ADCK1: variants seen among roughly 807,000 people sequenced by gnomAD.
ADCK1 encodes the protein aarF domain containing kinase 1, also known as aarF domain-containing protein kinase 1.
ADCK1 carries 41 observed loss-of-function variants against 52.3 expected under a neutral mutation model. The observed-to-expected ratio is 0.78, with a 90% CI of 0.61 to 1.02. The LOEUF (loss-of-function observed/expected upper bound fraction) is 1.02. Among genes scored for constraint, ADCK1 ranks in the 50% least tolerant of loss-of-function variants. The pLI, the probability that ADCK1 is intolerant of heterozygous loss-of-function variation, is 0.00. For missense variants in ADCK1, 658 were observed against 679.5 expected, an observed-to-expected ratio of 0.97 and a Z score of 0.35; for synonymous variants, 250 against 274.6, an observed-to-expected ratio of 0.91 and a Z score of 0.89.
Position 77,925,830 on chromosome 14 carries a change from A to G in ADCK1, c.1075A>G (p.Lys359Glu), listed in dbSNP as rs762109020. Residue 359 changes from lysine (K) to glutamate (E), a missense_variant, in exon 9 of 11, where the codon AAG (lysine) becomes GAG (glutamate). By Grantham distance (56) the Lys-to-Glu change is moderately conservative (BLOSUM62 1). Transcript: ENST00000238561. The part of the protein sequence containing the change: ...LWQSLIWTDM[K>E]RVKEYSQRLG... ...GCAGTCTCTGATCTGGACTGACATG[A>G]AGAGAGTGAAGGAGTACAGCCAGCG... The G allele has an allele frequency of 1.9e-6, 3 of 1,614,202 alleles. No homozygotes were observed. The South Asian group carries it at 3.3e-5, about 18-fold the overall frequency.
intron 3 of ADCK1, 92 bp downstream of exon 3, chr14:77,822,610 A>G: frequency 2.7e-6 from 3 of 1,130,962 alleles, no homozygotes; most frequent in Admixed American, 1.8e-5. Context: ...TCACCCCCGC[A>G]AAGTGCTGGG....
chr14:77,828,328 T>C (rs2081765135), intron 3 of ADCK1, among the ~76,000 whole-genome samples: 1 of 152,208 alleles, frequency 6.6e-6, no homozygotes, highest in Non-Finnish European at 1.5e-5. Context: ...TTTATAAGAA[T>C]GGAAATGAGA....
intron 4 of ADCK1, among the ~76,000 whole-genome samples, chr14:77,882,438 G>A (rs1215328661): frequency 2.0e-5 from 3 of 152,278 alleles, no homozygotes; most frequent in Non-Finnish European, 4.4e-5. Context: ...AGACATTTCG[G>A]TGTTTGTGAG....
intron 4 of ADCK1, among the ~76,000 whole-genome samples, chr14:77,861,805 C>T (rs921125314): frequency 6.6e-6 from 1 of 152,190 alleles, no homozygotes; most frequent in Admixed American, 6.5e-5. Flanking sequence ...GGGCCCGGCC[C>T]TGTGGGGCAT....
intron 1 of ADCK1, among the ~76,000 whole-genome samples, chr14:77,801,856 G>A (rs1440730830): frequency 3.9e-5 from 6 of 152,098 alleles, no homozygotes; most frequent in Admixed American, 3.9e-4. Flanking sequence ...GAGGAGAACA[G>A]CTTGAACCCG....
intron 3 of ADCK1, among the ~76,000 whole-genome samples, chr14:77,842,897 T>C (rs373004492): frequency 0.041 from 6,237 of 150,562 alleles, 281 homozygotes; most frequent in African/African-American, 0.1. Flanking sequence ...TCTTTCTTTT[T>C]TTTTTTTTTT....
intron 7 of ADCK1, among the ~76,000 whole-genome samples, chr14:77,915,766 G>A (rs774680319): frequency 2.0e-5 from 3 of 152,180 alleles, no homozygotes; most frequent in African/African-American, 4.8e-5. Context: ...TGTCAGGAGT[G>A]AGTAACTGTG....
chr14:77,844,202 TC>T (rs1326473123), intron 3 of ADCK1, among the ~76,000 whole-genome samples: 3 of 152,088 alleles, frequency 2.0e-5, no homozygotes, highest in African/African-American at 7.2e-5. Flanking sequence ...TGCTTCAACT[TC>T]CCAAGTAGCT....
chr14:77,933,204 C>A lies in ADCK1; in HGVS notation c.1401-16C>A. Reference sequence around the variant, plus strand: ...CTCTTTATCTCTTTTCTCCTTTTTTCTTTCCCTTTTTCCAGGCACAAGAAG... The same window carrying A: ...CTCTTTATCTCTTTTCTCCTTTTTTATTTCCCTTTTTCCAGGCACAAGAAG... On this transcript the variant is annotated splice_polypyrimidine_tract_variant and intron_variant, in intron 10 of 10. Transcript: ENST00000238561. 1 of 1,602,722 alleles carries A rather than the reference C, an allele frequency of 6.2e-7. No individual in the cohort carries two copies. Among genetic ancestry groups the A allele is most frequent in the Non-Finnish European group, 8.5e-7 (1 of 1,174,164 alleles).
At chr14:77,834,079 T>C (rs2081912870) in intron 3 of ADCK1, among the ~76,000 whole-genome samples, 2 of 152,240 alleles carry the variant, frequency 1.3e-5, no homozygotes, top group South Asian at 4.1e-4. Context: ...ACTTTCTTCC[T>C]GCATATCCAG....
rs541354394 is a variant in ADCK1, at chr14:77,855,201, A to G, written c.220-3875A>G. Reference sequence around the variant, plus strand: ...CTTGTGAGTAAAGGCTTCTGCTTTCATGGTAATCATTTCTGTGTTTGTGTG... The same window carrying G: ...CTTGTGAGTAAAGGCTTCTGCTTTCGTGGTAATCATTTCTGTGTTTGTGTG... On this transcript the variant is annotated intron_variant, in intron 3 of 10. Coordinates refer to ENST00000238561, the MANE Select transcript of ADCK1 (RefSeq NM_020421.4). Among the ~76,000 whole-genome samples, 12 of 152,226 alleles carry G rather than the reference A, an allele frequency of 7.9e-5. No individual in the cohort carries two copies. In the South Asian group the frequency reaches 2.5e-3, roughly 31 times the overall value.
At chr14:77,807,135 C>A (rs1179342297) in intron 1 of ADCK1, among the ~76,000 whole-genome samples, 1 of 120,588 alleles carries the variant, frequency 8.3e-6, no homozygotes, top group African/African-American at 3.2e-5. Flanking sequence ...GTGGCGGGAT[C>A]TCGGCTCACT....
chr14:77,841,691 AAAAAATT>A (rs1479456382), intron 3 of ADCK1, among the ~76,000 whole-genome samples: 3,552 of 101,398 alleles, frequency 0.035, 188 homozygotes, highest in African/African-American at 0.14. Flanking sequence ...AAAAAAAAAA[AAAAAATT>A]AGCCAGGCGT....
At chr14:77,893,736 C>CCTTCCTTCCTTCCTTCCTTT (rs10634042) in intron 5 of ADCK1, among the ~76,000 whole-genome samples, 5 of 133,224 alleles carry the variant, frequency 3.8e-5, no homozygotes, top group African/African-American at 1.2e-4. Flanking sequence ...TTCCTTCCTT[C>CCTTCCTTCCTTCCTTCCTTT]CTTTTTTTTT....
intron 7 of ADCK1, among the ~76,000 whole-genome samples, chr14:77,922,385 C>T (rs768544506): frequency 4.6e-5 from 7 of 152,148 alleles, no homozygotes; most frequent in Non-Finnish European, 8.8e-5. Flanking sequence ...GGAGGGCTGG[C>T]GTGGTAGCGG....
chr14:77,857,072 G>A (rs904765618), intron 3 of ADCK1, among the ~76,000 whole-genome samples: 8 of 152,164 alleles, frequency 5.3e-5, no homozygotes, highest in Admixed American at 1.3e-4. Context: ...GTCTGAGACA[G>A]CCCCTCTGCT....
intron 7 of ADCK1, among the ~76,000 whole-genome samples, chr14:77,912,242 G>A (rs142917949): frequency 5.6e-4 from 86 of 152,304 alleles, no homozygotes; most frequent in African/African-American, 2.0e-3. Flanking sequence ...GGCAGTCTGA[G>A]ATGATGTTAT....
chr14:77,893,014 A>G (rs1176779354), intron 5 of ADCK1, among the ~76,000 whole-genome samples: 1 of 152,208 alleles, frequency 6.6e-6, no homozygotes, highest in Admixed American at 6.5e-5. Flanking sequence ...GATTCTCAGT[A>G]AATGGTGTTC....
At chr14:77,897,664 G>A (rs2083440892) in intron 5 of ADCK1, among the ~76,000 whole-genome samples, 1 of 152,278 alleles carries the variant, frequency 6.6e-6, no homozygotes, top group Non-Finnish European at 1.5e-5. Context: ...GTCTTATCCA[G>A]CTTTGTTTTC....
Sources: gnomAD v4.1 joint callset for allele counts (sites outside exome capture counted in the v4.1 genomes callset) on GRCh38, gnomAD v4.1.1 for gene constraint, MANE v1.5 for transcripts, NCBI Gene and HGNC (gene_info 2026-07-23, HGNC 2026-07-21) for gene names.